The following DPP6 variants were observed in gnomAD, a reference collection of about 807,000 sequenced individuals.
DPP6 encodes the protein A-type potassium channel modulatory protein DPP6.
A neutral mutation model predicts 122.6 loss-of-function variants in DPP6; 69 were observed. That is an observed-to-expected ratio of 0.56 (90% CI 0.46 to 0.69). The LOEUF (loss-of-function observed/expected upper bound fraction) is 0.69. Ranked by LOEUF, DPP6 falls within the 30% of genes least tolerant of loss-of-function variation. The pLI is 0.00. For missense variants in DPP6, 928 were observed against 1,116.9 expected, an observed-to-expected ratio of 0.83 and a Z score of 2.41; for synonymous variants, 418 against 433.1, an observed-to-expected ratio of 0.97 and a Z score of 0.43.
chr7:154,800,593 G>A (rs896627192), intron 12 of DPP6, among the ~76,000 whole-genome samples: 1 of 152,206 alleles, frequency 6.6e-6, no homozygotes. Context: ...AGATGGTGGC[G>A]ACACCTGCCC....
At chr7:154,410,753 C>G (rs2151204685) in intron 1 of DPP6, among the ~76,000 whole-genome samples, 1 of 152,246 alleles carries the variant, frequency 6.6e-6, no homozygotes, top group East Asian at 1.9e-4. Flanking sequence ...CCACAGCATG[C>G]AATATTTTGT....
chr7:154,456,705 A>G (rs1032708444), intron 2 of DPP6, among the ~76,000 whole-genome samples: 8 of 152,182 alleles, frequency 5.3e-5, no homozygotes, highest in African/African-American at 9.7e-5. Flanking sequence ...TGGAACCTCA[A>G]TGTGATCACA....
At chr7:153,997,151 A>G (rs566434812) in intron 1 of DPP6, among the ~76,000 whole-genome samples, 4 of 152,164 alleles carry the variant, frequency 2.6e-5, no homozygotes, top group East Asian at 1.9e-4. Context: ...GACAGGTCCT[A>G]TAGTGGAAAT....
intron 8 of DPP6, among the ~76,000 whole-genome samples, chr7:154,746,553 G>T (rs935586043): frequency 3.4e-4 from 51 of 152,098 alleles, no homozygotes; most frequent in African/African-American, 1.2e-3. Context: ...TTCTATCTGG[G>T]ATTATTTTGT....
At chr7:154,655,908 G>A (rs2131015913) in intron 6 of DPP6, among the ~76,000 whole-genome samples, 1 of 152,274 alleles carries the variant, frequency 6.6e-6, no homozygotes, top group Admixed American at 6.5e-5. Flanking sequence ...CCCTGAGCAA[G>A]TCGCTTTGGG....
rs1490949453 is a variant in DPP6, at chr7:154,483,826, C to A, written c.457+8789C>A. Among the ~76,000 whole-genome samples, 1 of 152,160 alleles carries A rather than the reference C, an allele frequency of 6.6e-6. No individual in the cohort carries two copies. The highest frequency in any genetic ancestry group is 1.5e-5 in the Non-Finnish European group (1 of 68,030). ...TCTCCTGCCTCAGCCTCCCTAGTAG[C>A]TGGGATTACAGGTGCACACCATCAC... On this transcript the variant is annotated intron_variant, in intron 3 of 25. Transcript: ENST00000377770. This position sits in a 1 kb window ranked among gnomAD's most constrained non-coding sequence, Gnocchi z 8.1.
intron 1 of DPP6, among the ~76,000 whole-genome samples, chr7:153,999,301 C>T (rs1170250075): frequency 6.6e-6 from 1 of 152,214 alleles, no homozygotes; most frequent in Non-Finnish European, 1.5e-5. Context: ...TTCCTGAGGT[C>T]ATCTGCAGCA....
intron 1 of DPP6, among the ~76,000 whole-genome samples, chr7:154,106,982 A>G (rs1806208662): frequency 6.6e-6 from 1 of 152,136 alleles, no homozygotes; most frequent in Non-Finnish European, 1.5e-5. Context: ...ACAGTGTTAG[A>G]GGGAATGTGA....
At chr7:154,807,195 G>A in intron 16 of DPP6, 83 bp downstream of exon 16, 4 of 1,546,640 alleles carry the variant, frequency 2.6e-6, no homozygotes, top group South Asian at 2.4e-5. Flanking sequence ...GCAGGGAGGG[G>A]GCAGCGGCTG....
chr7:154,060,352 CAGGGA>C, intron 1 of DPP6, among the ~76,000 whole-genome samples: 2 of 117,660 alleles, frequency 1.7e-5, no homozygotes, highest in South Asian at 5.6e-4. Flanking sequence ...CCCCGCGAGG[CAGGGA>C]CTGAGAGCCA....
In DPP6 at chr7:154,875,232, C is replaced by T. The variant is rs1171451679; in HGVS notation, c.1884-674C>T. 6.6e-6 allele frequency among the ~76,000 whole-genome samples: 1 copy of T among 152,148 alleles called. No homozygotes were observed. The highest frequency in any genetic ancestry group is 1.9e-4 in the East Asian group (1 of 5,194). On this transcript the variant is annotated intron_variant, in intron 19 of 25. Coordinates refer to ENST00000377770, the MANE Select transcript of DPP6 (RefSeq NM_130797.4). The surrounding 1 kb of genome is among the most constrained non-coding windows in gnomAD (Gnocchi z 4.5). Reference sequence around the variant, plus strand: ...AAACAGCCCTGTTTGTGGCACTGGTCGAATCCCATGGTCCAAATGCCCCAC... The same window carrying T: ...AAACAGCCCTGTTTGTGGCACTGGTTGAATCCCATGGTCCAAATGCCCCAC...
chr7:154,066,081 A>G (rs944260929), intron 1 of DPP6, among the ~76,000 whole-genome samples: 6 of 135,252 alleles, frequency 4.4e-5, no homozygotes, highest in Admixed American at 2.4e-4. Flanking sequence ...TTAATTTGGG[A>G]CAGAGTCTCT....
At chr7:154,213,874 C>T (rs1443001206) in intron 1 of DPP6, among the ~76,000 whole-genome samples, 1 of 152,156 alleles carries the variant, frequency 6.6e-6, no homozygotes, top group African/African-American at 2.4e-5. Context: ...AAAGCAGGGA[C>T]AGAAGGAAGA....
intron 2 of DPP6, among the ~76,000 whole-genome samples, chr7:154,462,354 G>A (rs948038647): frequency 2.0e-5 from 3 of 152,094 alleles, no homozygotes; most frequent in Non-Finnish European, 4.4e-5. Flanking sequence ...GATCTTTTGT[G>A]ATTCCATGTA....
At position 154,794,212 on chromosome 7, in the gene DPP6, G is replaced by A. The variant is rs1425080285; in HGVS notation, c.1260+10G>A. On this transcript the variant is annotated intron_variant, in intron 11 of 25. Transcript: ENST00000377770. ...GGGGGTCTGCACGAAGGTACGCGGG[G>A]CTGTGGGGGTGGAGGGGAGACGGGT... The A allele has an allele frequency of 6.2e-7, 1 of 1,600,804 alleles. No homozygotes were observed. Among genetic ancestry groups the A allele is most frequent in the Admixed American group, 1.7e-5 (1 of 58,968 alleles).
At chr7:153,933,705 TCA>T (rs1012813919) in intron 1 of DPP6, among the ~76,000 whole-genome samples, 15 of 141,114 alleles carry the variant, frequency 1.1e-4, no homozygotes, top group South Asian at 2.4e-4. Context: ...TCTCTCTCTC[TCA>T]CACACACACA....
intron 1 of DPP6, among the ~76,000 whole-genome samples, chr7:154,063,733 C>G (rs543269778): frequency 6.6e-6 from 1 of 151,250 alleles, no homozygotes; most frequent in East Asian, 2.0e-4. Flanking sequence ...CCTCTTCCCC[C>G]CCGGCTTAGG....
At chr7:154,197,848 G>T (rs1178252217) in intron 1 of DPP6, among the ~76,000 whole-genome samples, 1 of 152,136 alleles carries the variant, frequency 6.6e-6, no homozygotes, top group African/African-American at 2.4e-5. Flanking sequence ...CCACCTAGGA[G>T]CCCAGACCGT....
At chr7:153,784,761 C>T in the DPP6 span, among the ~76,000 whole-genome samples, 1 of 152,218 alleles carries the variant, frequency 6.6e-6, no homozygotes, top group Non-Finnish European at 1.5e-5. Context: ...TTTTCTTCTT[C>T]ATAAAGCTGA....
Sources: gnomAD v4.1 joint callset for allele counts (sites outside exome capture counted in the v4.1 genomes callset) on GRCh38, gnomAD v4.1.1 for gene constraint, Gnocchi (gnomAD v3.1) non-coding constraint, MANE v1.5 for transcripts, NCBI Gene and HGNC (gene_info 2026-07-23, HGNC 2026-07-21) for gene names.